The following WDR7 variants were observed in gnomAD, a reference collection of about 807,000 sequenced individuals.
WDR7 encodes WD repeat domain 7.
WDR7 carries 46 observed loss-of-function variants against 169.4 expected under a neutral mutation model. The ratio of observed to expected loss-of-function variants is 0.27; its 90% CI spans 0.21 to 0.35. WDR7 has a LOEUF of 0.35. WDR7 is among the 10% of genes least tolerant of loss of function. The probability of loss-of-function intolerance (pLI) is 1.00; values close to 1 mark genes in which losing one functional copy is unlikely to be tolerated. For synonymous variants in WDR7, 612 were observed against 666.8 expected (o/e 0.92, Z 1.27); for missense variants, 1,534 against 1,859.3 (o/e 0.83, Z 3.22).
At chr18:56,996,465 C>A (rs758283904) in intron 26 of WDR7, among the ~76,000 whole-genome samples, 4 of 152,180 alleles carry the variant, frequency 2.6e-5, no homozygotes, top group Middle Eastern at 6.8e-3. Context: ...GTATTACGAC[C>A]AAATTTATCA....
At chr18:56,894,131 T>C (rs1406940897) in intron 21 of WDR7, among the ~76,000 whole-genome samples, 2 of 152,058 alleles carry the variant, frequency 1.3e-5, no homozygotes, top group East Asian at 3.9e-4. Flanking sequence ...CAAAGTCAGC[T>C]ATTTCTCACC....
At chr18:56,962,585 A>G (rs2047353399) in intron 26 of WDR7, 56 bp downstream of exon 26, 6 of 1,513,264 alleles carry the variant, frequency 4.0e-6, no homozygotes, top group South Asian at 2.3e-5. Flanking sequence ...TTGAAAGGAG[A>G]GAGAGACTAG....
At chr18:56,775,714 A>G (rs777591850) in intron 16 of WDR7, among the ~76,000 whole-genome samples, 7 of 152,058 alleles carry the variant, frequency 4.6e-5, no homozygotes, top group Admixed American at 6.6e-5. Flanking sequence ...TTTTCGTTCT[A>G]CTGTTTACCT....
chr18:56,679,550 G>C, intron 3 of WDR7, 112 bp downstream of exon 3: 1 of 598,816 alleles, frequency 1.7e-6, no homozygotes, highest in Non-Finnish European at 2.8e-6. Context: ...CTAAATAAAT[G>C]CTTTGTATTG....
chr18:56,836,027 T>G (rs2045390748), intron 20 of WDR7, among the ~76,000 whole-genome samples: 2 of 152,182 alleles, frequency 1.3e-5, no homozygotes, highest in African/African-American at 4.8e-5. Flanking sequence ...CTTTATGAGT[T>G]TAGTTTTAAT....
intron 14 of WDR7, among the ~76,000 whole-genome samples, chr18:56,751,518 T>A (rs1242684399): frequency 6.6e-6 from 1 of 152,206 alleles, no homozygotes; most frequent in African/African-American, 2.4e-5. Flanking sequence ...GGGCTCTTCT[T>A]TTACCTAATG....
intron 9 of WDR7, among the ~76,000 whole-genome samples, chr18:56,692,643 T>C (rs927403696): frequency 1.3e-5 from 2 of 151,978 alleles, no homozygotes; most frequent in Non-Finnish European, 2.9e-5. Flanking sequence ...CACTTACTGC[T>C]CTTCAACCTA....
chr18:56,966,029 G>A (rs576135127), intron 26 of WDR7, among the ~76,000 whole-genome samples: 1 of 152,100 alleles, frequency 6.6e-6, no homozygotes, highest in Non-Finnish European at 1.5e-5. Flanking sequence ...AGAGAAATCT[G>A]TCTACTTACT....
rs201548708 is a variant in WDR7, at chr18:56,718,124, C to T, written c.1739C>T (p.Ser580Leu). ...GATGATTACCTGGTGGTGGGGTGTTCAGATGGTTCTGTGTACGTCTGGCAA... is the reference window on the plus strand; with the variant it reads ...GATGATTACCTGGTGGTGGGGTGTTTAGATGGTTCTGTGTACGTCTGGCAA... ...PSDDYLVVGC[S>L]DGSVYVWQMD... Residue 580 changes from serine to leucine, a missense_variant, in exon 13 of 28, where the codon TCA (serine) becomes TTA (leucine). Physicochemically the swap from Ser to Leu is moderately radical, Grantham distance 145. Coordinates refer to ENST00000254442, the MANE Select transcript of WDR7 (RefSeq NM_015285.3). 5.0e-6 allele frequency: 8 copies of T among 1,613,836 alleles called. No homozygotes were observed. The highest frequency in any genetic ancestry group is 2.2e-5 in the East Asian group (1 of 44,854).
At chr18:56,934,484 T>C (rs1417851769) in intron 22 of WDR7, among the ~76,000 whole-genome samples, 3 of 151,944 alleles carry the variant, frequency 2.0e-5, no homozygotes, top group African/African-American at 7.2e-5. Context: ...CTCACATCTT[T>C]CTTTTTAGTG....
chr18:56,901,163 G>A (rs2046395815), intron 21 of WDR7, among the ~76,000 whole-genome samples: 1 of 152,190 alleles, frequency 6.6e-6, no homozygotes, highest in Non-Finnish European at 1.5e-5. Context: ...ACTTGGGGAG[G>A]CTAAGGCCGA....
At chr18:56,701,007 T>C (rs897414709) in intron 12 of WDR7, among the ~76,000 whole-genome samples, 1 of 152,224 alleles carries the variant, frequency 6.6e-6, no homozygotes, top group South Asian at 2.1e-4. Context: ...AATCTGAAGG[T>C]ACCCTTTAAG....
chr18:56,695,142 C>G lies in WDR7; in HGVS notation c.1301C>G (p.Pro434Arg). ...GREDGSIVIV[P>R]ATQTAIVQLL... ...GAAGATGGAAGCATAGTTATTGTAC[C>G]TGCCACACAGACGGCCATAGTACAG... Residue 434 changes from proline (P) to arginine (R), a missense_variant, in exon 11 of 28, where the codon CCT (proline) becomes CGT (arginine). Transcript: ENST00000254442. The G allele has an allele frequency of 6.2e-7, 1 of 1,614,148 alleles. No homozygotes were observed. Among genetic ancestry groups the G allele is most frequent in the Non-Finnish European group, 8.5e-7 (1 of 1,180,006 alleles).
At chr18:56,722,197 A>G (rs2026337357) in intron 13 of WDR7, among the ~76,000 whole-genome samples, 1 of 152,234 alleles carries the variant, frequency 6.6e-6, no homozygotes, top group African/African-American at 2.4e-5. Flanking sequence ...AGATTGTCAT[A>G]CAAGTAAAGT....
intron 26 of WDR7, among the ~76,000 whole-genome samples, chr18:56,994,740 G>A (rs1351477075): frequency 1.3e-5 from 2 of 152,124 alleles, no homozygotes; most frequent in African/African-American, 4.8e-5. Context: ...ATCATTATGG[G>A]AAGAAAAATC....
At chr18:56,903,847 A>G (rs2046439121) in intron 21 of WDR7, among the ~76,000 whole-genome samples, 1 of 152,194 alleles carries the variant, frequency 6.6e-6, no homozygotes, top group African/African-American at 2.4e-5. Context: ...TTATCCAGAA[A>G]TGAAGTTATT....
At chr18:56,884,644 C>G (rs1318355274) in intron 21 of WDR7, among the ~76,000 whole-genome samples, 2 of 152,184 alleles carry the variant, frequency 1.3e-5, no homozygotes, top group Non-Finnish European at 2.9e-5. Flanking sequence ...GCAAGCCAGG[C>G]CCAAAAAGAG....
At chr18:56,920,111 A>G (rs1258570283) in intron 21 of WDR7, among the ~76,000 whole-genome samples, 1 of 151,904 alleles carries the variant, frequency 6.6e-6, no homozygotes, top group African/African-American at 2.4e-5. Context: ...GTTTCTAGCC[A>G]TGTTTTACTA....
chr18:56,865,217 G>T (rs2045866171), intron 20 of WDR7, among the ~76,000 whole-genome samples: 1 of 151,932 alleles, frequency 6.6e-6, no homozygotes, highest in Non-Finnish European at 1.5e-5. Flanking sequence ...GTGAATGATG[G>T]CTAATGATTA....
Sources: gnomAD v4.1 joint callset for allele counts (sites outside exome capture counted in the v4.1 genomes callset) on GRCh38, gnomAD v4.1.1 for gene constraint, MANE v1.5 for transcripts, NCBI Gene and HGNC (gene_info 2026-07-23, HGNC 2026-07-21) for gene names.